HIVEP3: variants seen among roughly 807,000 people sequenced by gnomAD.
The protein encoded by HIVEP3 is transcription factor HIVEP3.
In HIVEP3, 49 loss-of-function variants were observed where a neutral mutation model predicts 152.8. That is an observed-to-expected ratio of 0.32 (90% CI 0.26 to 0.41). HIVEP3 has a LOEUF of 0.41. HIVEP3 is among the 10% of genes least tolerant of loss of function. The pLI is 1.00. For synonymous variants in HIVEP3, 1,269 were observed against 1,289.0 expected, an observed-to-expected ratio of 0.98 and a Z score of 0.33; for missense variants, 2,790 against 3,103.3, an observed-to-expected ratio of 0.90 and a Z score of 2.40.
chr1:41,886,371 T>C (rs1644346755), intron 1 of HIVEP3, among the ~76,000 whole-genome samples: 1 of 152,068 alleles, frequency 6.6e-6, no homozygotes, highest in Non-Finnish European at 1.5e-5. Context: ...AAAGGTGCAA[T>C]ACCTGGCACC....
chr1:41,875,814 G>A (rs141638564), intron 1 of HIVEP3, among the ~76,000 whole-genome samples: 2,396 of 152,266 alleles, frequency 0.016, 35 homozygotes, highest in Non-Finnish European at 0.02. Flanking sequence ...TTCTCTCCAC[G>A]AATTTTTATT....
intron 2 of HIVEP3, among the ~76,000 whole-genome samples, chr1:41,630,568 C>T (rs943999885): frequency 3.3e-5 from 5 of 152,194 alleles, no homozygotes; most frequent in African/African-American, 1.2e-4. Context: ...CCCGCAGCTT[C>T]CAGGAGCTGA....
chr1:41,742,301 A>G (rs568164921), intron 1 of HIVEP3, among the ~76,000 whole-genome samples: 19 of 152,276 alleles, frequency 1.2e-4, no homozygotes, highest in South Asian at 1.2e-3. Context: ...CATCCACTCA[A>G]TGATTGAATC....
At chr1:41,523,070 C>T (rs1009498859) in intron 6 of HIVEP3, among the ~76,000 whole-genome samples, 1 of 152,272 alleles carries the variant, frequency 6.6e-6, no homozygotes, top group African/African-American at 2.4e-5. Flanking sequence ...ACTTTCTTCA[C>T]CTTCAAGGGG....
At chr1:41,623,381 C>G (rs1300443736) in intron 3 of HIVEP3, among the ~76,000 whole-genome samples, 1 of 152,216 alleles carries the variant, frequency 6.6e-6, no homozygotes, top group East Asian at 1.9e-4. Flanking sequence ...AGAGAGAGCA[C>G]TAAGCTTAGC....
In HIVEP3 at chr1:41,583,286, G is replaced by C; in HGVS notation, c.1512C>G (p.Leu504=). The part of the protein sequence containing the change: ...RSSMESPKSS[L]YREPLSSHSE... Reference sequence around the variant, plus strand: ...TGTGGGATGACAGGGGCTCCCGGTAGAGGCTGGATTTTGGGGACTCCATGC... The same window carrying C: ...TGTGGGATGACAGGGGCTCCCGGTACAGGCTGGATTTTGGGGACTCCATGC... The change falls in exon 4 of 9, where the codon CTC becomes CTG. Residue 504 remains leucine, a synonymous_variant. Coordinates refer to ENST00000372583, the MANE Select transcript of HIVEP3 (RefSeq NM_024503.5). The surrounding 1 kb of genome is among the most constrained non-coding windows in gnomAD (Gnocchi z 6.9). 4 of 1,613,266 alleles carry C rather than the reference G, an allele frequency of 2.5e-6. No homozygotes were observed. Among genetic ancestry groups the C allele is most frequent in the Non-Finnish European group, 3.4e-6 (4 of 1,179,752 alleles).
At chr1:42,016,576 T>C (rs1645524405) in intron 1 of HIVEP3, among the ~76,000 whole-genome samples, 1 of 152,158 alleles carries the variant, frequency 6.6e-6, no homozygotes, top group Non-Finnish European at 1.5e-5. Context: ...TATTTTTGAC[T>C]ATATGTGATC....
intron 1 of HIVEP3, among the ~76,000 whole-genome samples, chr1:41,959,682 T>C (rs1408204013): frequency 6.6e-6 from 1 of 152,202 alleles, no homozygotes; most frequent in Non-Finnish European, 1.5e-5. Context: ...TGCATAGGTC[T>C]GGGAACTAAG....
chr1:41,570,486 G>A lies in HIVEP3; in HGVS notation c.5207+5058C>T, dbSNP rs190074972. Among the ~76,000 whole-genome samples, 53 of 152,222 alleles carry A rather than the reference G, an allele frequency of 3.5e-4. 1 individual carries two copies. The highest frequency in any genetic ancestry group is 1.3e-3 in the African/African-American group (52 of 41,520). ...GCATTTTTCCTTCCTGCCACCTTGC[G>A]AAGAAGGTGCCTTGCTTCCCCTTCA... On this transcript the variant is annotated intron_variant, in intron 5 of 8. Transcript: ENST00000372583.
chr1:41,856,783 C>T (rs1365441135), intron 1 of HIVEP3, among the ~76,000 whole-genome samples: 1 of 152,118 alleles, frequency 6.6e-6, no homozygotes, highest in Non-Finnish European at 1.5e-5. Flanking sequence ...GGCGCTGAAG[C>T]TTGGGGGAGG....
intron 1 of HIVEP3, among the ~76,000 whole-genome samples, chr1:41,851,049 C>G (rs1450893328): frequency 6.6e-6 from 1 of 152,136 alleles, no homozygotes; most frequent in Non-Finnish European, 1.5e-5. Context: ...ATCTCATCAG[C>G]CTTCTCTACA....
chr1:41,780,821 G>T (rs1409472922), intron 1 of HIVEP3, among the ~76,000 whole-genome samples: 1 of 152,192 alleles, frequency 6.6e-6, no homozygotes, highest in Non-Finnish European at 1.5e-5. Context: ...AGCCAGGCAT[G>T]GAAGGTAGTG....
intron 4 of HIVEP3, among the ~76,000 whole-genome samples, chr1:41,579,523 G>C (rs567023590): frequency 6.6e-6 from 1 of 152,322 alleles, no homozygotes; most frequent in South Asian, 2.1e-4. Context: ...CTTTATTGAA[G>C]TGTATCTATT....
At position 41,976,752 on chromosome 1, in the gene HIVEP3, T is replaced by C. The variant is rs143201136; in HGVS notation, n.120-58228A>G. The stretch of plus-strand genomic sequence containing the variant: ...CCTAATCCAATATGACTGATGTCCT[T>C]ATAAAAAGGGGAAATGTGAACATAG... On this transcript the variant is annotated intron_variant and non_coding_transcript_variant, in intron 1 of 3. Transcript: ENST00000489103. Among the ~76,000 whole-genome samples the C allele has an allele frequency of 2.1e-3, 314 of 152,224 alleles. 1 individual carries two copies. Among genetic ancestry groups the C allele is most frequent in the African/African-American group, 7.2e-3 (301 of 41,538 alleles).
intron 1 of HIVEP3, among the ~76,000 whole-genome samples, chr1:41,795,113 G>A (rs1454492495): frequency 6.6e-6 from 1 of 152,154 alleles, no homozygotes; most frequent in Non-Finnish European, 1.5e-5. Flanking sequence ...ACTTTATTTG[G>A]ATTTCACCAA....
chr1:41,651,840 T>A (rs1490858349), intron 2 of HIVEP3, among the ~76,000 whole-genome samples: 1 of 152,216 alleles, frequency 6.6e-6, no homozygotes, highest in Non-Finnish European at 1.5e-5. Context: ...CAATCTTTGG[T>A]TTTTTAGTGG....
chr1:41,528,034 A>T, intron 5 of HIVEP3, among the ~76,000 whole-genome samples: 1 of 47,814 alleles, frequency 2.1e-5, no homozygotes, highest in African/African-American at 1.0e-4. Flanking sequence ...TCACCTTCAC[A>T]TTCACACTCC....
chr1:41,900,871 G>C (rs549591066), intron 1 of HIVEP3, among the ~76,000 whole-genome samples: 86 of 152,240 alleles, frequency 5.6e-4, no homozygotes, highest in African/African-American at 2.0e-3. Flanking sequence ...CCATCGCCTG[G>C]GGTGGTGCAT....
Position 41,662,952 on chromosome 1 carries a change from G to C in HIVEP3, c.-720-34005C>G, listed in dbSNP as rs1251503518. ...GCGGGAATCCGCTTTAATGAGCTCT[G>C]GGCGGGGCGGGCCTGCCAGGGCCTC... On this transcript the variant is annotated intron_variant, in intron 2 of 8. Transcript: ENST00000372583. The surrounding 1 kb of genome is among the most constrained non-coding windows in gnomAD (Gnocchi z 7.2). 6.6e-6 allele frequency among the ~76,000 whole-genome samples: 1 copy of C among 152,186 alleles called. No homozygotes were observed. Among genetic ancestry groups the C allele is most frequent in the Non-Finnish European group, 1.5e-5 (1 of 68,006 alleles).
Sources: allele counts gnomAD v4.1 joint callset (sites outside exome capture counted in the v4.1 genomes callset), GRCh38; gene constraint gnomAD v4.1.1; non-coding constraint Gnocchi (gnomAD v3.1); transcripts MANE v1.5; gene names NCBI Gene and HGNC (gene_info 2026-07-23, HGNC 2026-07-21).